Variants in CCDC83 observed in about 807,000 individuals in gnomAD.
CCDC83 encodes coiled-coil domain containing 83.
CCDC83 carries 54 observed loss-of-function variants against 50.1 expected under a neutral mutation model. The observed-to-expected ratio is 1.08, with a 90% confidence interval of 0.87 to 1.35. The LOEUF is 1.35. Among genes scored for constraint, CCDC83 ranks in the 40% most tolerant of loss-of-function variants. The pLI, the probability that CCDC83 is intolerant of heterozygous loss-of-function variation, is 0.00. For synonymous variants in CCDC83, 161 were observed against 153.3 expected, an observed-to-expected ratio of 1.05 and a Z score of -0.37; for missense variants, 518 against 473.9, an observed-to-expected ratio of 1.09 and a Z score of -0.86.
At chr11:85,883,853 A>T (rs2093313691) in intron 4 of CCDC83, among the ~76,000 whole-genome samples, 1 of 152,138 alleles carries the variant, frequency 6.6e-6, no homozygotes, top group Non-Finnish European at 1.5e-5. Context: ...CCAAGACCAA[A>T]CATCAATAGG....
chr11:85,874,599 T>C (rs2093258655), intron 3 of CCDC83, among the ~76,000 whole-genome samples: 1 of 152,232 alleles, frequency 6.6e-6, no homozygotes, highest in African/African-American at 2.4e-5. Context: ...TTGTTATTGC[T>C]GTAATTTAAA....
chr11:85,886,107 T>A (rs2093325434), intron 4 of CCDC83, 93 bp from the exon 5 acceptor site: 1 of 940,706 alleles, frequency 1.1e-6, no homozygotes, highest in Non-Finnish European at 1.5e-6. Context: ...TTAACAGTAT[T>A]TTAATATCAG....
Position 85,916,058 on chromosome 11 carries a change from T to G in CCDC83, c.905T>G (p.Val302Gly). 2 of 1,612,106 alleles carry G rather than the reference T, an allele frequency of 1.2e-6. No individual in the cohort carries two copies. The highest frequency in any genetic ancestry group is 1.7e-6 in the Non-Finnish European group (2 of 1,179,054). ...EEKSELQPTEVESRDLMSSSD... is the reference protein window; with the variant it reads ...EEKSELQPTEGESRDLMSSSD... ...AAGTCAGAATTGCAACCCACAGAAGTAGAAAGTAGAGACTTGATGTCCTCA... is the reference window on the plus strand; with the variant it reads ...AAGTCAGAATTGCAACCCACAGAAGGAGAAAGTAGAGACTTGATGTCCTCA... The change falls in exon 10 of 11, where the codon GTA becomes GGA. Residue 302 changes from valine (V) to glycine (G), a missense_variant. Physicochemically the swap from Val to Gly is moderately radical, Grantham distance 109 (BLOSUM62 -3). Coordinates refer to ENST00000342404, the MANE Select transcript of CCDC83 (RefSeq NM_001286159.2).
At position 85,899,053 on chromosome 11, in the gene CCDC83, C is replaced by T. The variant is rs762589628; in HGVS notation, c.672+38C>T. On this transcript the variant is annotated intron_variant, in intron 7 of 10. Coordinates refer to ENST00000342404, the MANE Select transcript of CCDC83 (RefSeq NM_001286159.2). Reference sequence around the variant, plus strand: ...TATCAAAACAAACAATTTCTTCGTTCTCATTTTTTTAAGTGGAAATGACTT... The same window carrying T: ...TATCAAAACAAACAATTTCTTCGTTTTCATTTTTTTAAGTGGAAATGACTT... 36 of 1,480,602 alleles carry T rather than the reference C, an allele frequency of 2.4e-5. No homozygotes were observed. The Admixed American group carries it at 6.2e-4, about 26-fold the overall frequency. The allele number at this position is 1,480,602 out of a possible 1,614,324, so 91.7% of individuals were successfully genotyped here. A position where few individuals can be genotyped will look rare whatever the true frequency, so the allele number is the denominator to read the frequency against.
At chr11:85,873,054 A>C (rs1203528030) in intron 2 of CCDC83, among the ~76,000 whole-genome samples, 157 bp from the exon 3 acceptor site, 1 of 152,090 alleles carries the variant, frequency 6.6e-6, no homozygotes, top group Admixed American at 6.5e-5. Context: ...TTTAGTGAGT[A>C]AAATAGATTC....
At chr11:85,886,109 TA>T in intron 4 of CCDC83, 90 bp from the exon 5 acceptor site, 1 of 949,972 alleles carries the variant, frequency 1.1e-6, no homozygotes. Flanking sequence ...AACAGTATTT[TA>T]ATATCAGATC....
intron 3 of CCDC83, among the ~76,000 whole-genome samples, chr11:85,880,599 C>A (rs2093294497): frequency 6.6e-6 from 1 of 151,286 alleles, no homozygotes; most frequent in African/African-American, 2.4e-5. Flanking sequence ...TTTTTTTAAT[C>A]AGCGTTTTCT....
At chr11:85,887,102 A>T (rs1187797798) in intron 5 of CCDC83, among the ~76,000 whole-genome samples, 1 of 152,192 alleles carries the variant, frequency 6.6e-6, no homozygotes, top group African/African-American at 2.4e-5. Flanking sequence ...GTCAAAGTCA[A>T]TTAAGTTGTA....
At chr11:85,899,124 A>C (rs2093388870) in intron 7 of CCDC83, 109 bp downstream of exon 7, 1 of 732,792 alleles carries the variant, frequency 1.4e-6, no homozygotes, top group Non-Finnish European at 2.3e-6. Context: ...ACCATGACTG[A>C]CTGAGACAAA....
chr11:85,895,377 C>A lies in CCDC83; in HGVS notation c.596C>A (p.Ala199Asp). The A allele has an allele frequency of 1.3e-6, 2 of 1,542,356 alleles. No homozygotes were observed. Among genetic ancestry groups the A allele is most frequent in the Non-Finnish European group, 1.8e-6 (2 of 1,132,766 alleles). Reference protein sequence around the residue: ...LLQLDQKKEWATQNAVKLIDK... With the variant: ...LLQLDQKKEWDTQNAVKLIDK... ...CAACTGGACCAAAAGAAGGAATGGGCCACACAGGTATAATTCAATTTTCTT... is the reference window on the plus strand; with the variant it reads ...CAACTGGACCAAAAGAAGGAATGGGACACACAGGTATAATTCAATTTTCTT... The change falls in exon 6 of 11, where the codon GCC becomes GAC. Residue 199 changes from alanine (A) to aspartate (D), a missense_variant. By Grantham distance (126) the Ala-to-Asp change is moderately radical. Transcript: ENST00000342404.
chr11:85,873,351 TA>T (rs2093250881), intron 3 of CCDC83, 56 bp downstream of exon 3: 1 of 655,626 alleles, frequency 1.5e-6, no homozygotes, highest in Non-Finnish European at 2.5e-6. Context: ...ACTCATGCTT[TA>T]AAAAATTGTG....
chr11:85,864,949 C>T (rs961805337), intron 1 of CCDC83, 147 bp from the exon 2 acceptor site: 1 of 563,270 alleles, frequency 1.8e-6, no homozygotes, highest in African/African-American at 1.9e-5. Flanking sequence ...GATGTTCCAC[C>T]ATTGTGGTGA....
intron 8 of CCDC83, among the ~76,000 whole-genome samples, chr11:85,912,430 TAGAG>T (rs2093458806): frequency 6.6e-6 from 1 of 152,166 alleles, no homozygotes; most frequent in South Asian, 2.1e-4. Context: ...TGGGGCAGGA[TAGAG>T]AAAGAGGCCA....
Position 85,855,557 on chromosome 11 carries a change from C to G in CCDC83, c.-56C>G, listed in dbSNP as rs1592125136. ...CCCCTGGATACATTATTTGCCCTCT[C>G]GAAAGGCAGGCTCTGAATTTGATTC... is the stretch of plus-strand genomic sequence containing the variant. On this transcript the variant is annotated 5_prime_UTR_variant, in exon 1 of 11. Coordinates refer to ENST00000342404, the MANE Select transcript of CCDC83 (RefSeq NM_001286159.2). The G allele has an allele frequency of 2.6e-5, 4 of 152,384 alleles. No individual in the cohort carries two copies. Among genetic ancestry groups the G allele is most frequent in the Admixed American group, 2.6e-4 (4 of 15,288 alleles). 9.4% of individuals were successfully genotyped at this position (152,384 alleles called of 1,614,324 possible).
chr11:85,917,662 A>T (rs2093488682), intron 10 of CCDC83, among the ~76,000 whole-genome samples: 1 of 152,222 alleles, frequency 6.6e-6, no homozygotes, highest in African/African-American at 2.4e-5. Context: ...GGTAGTGGAA[A>T]AAATGATGTA....
intron 7 of CCDC83, among the ~76,000 whole-genome samples, chr11:85,900,578 G>A (rs59104711): frequency 0.01 from 1,525 of 152,258 alleles, 19 homozygotes; most frequent in African/African-American, 0.029. Flanking sequence ...GAAAATCCAT[G>A]CCACTCCCCA....
chr11:85,857,527 G>A (rs2093148917), intron 1 of CCDC83, among the ~76,000 whole-genome samples: 1 of 152,182 alleles, frequency 6.6e-6, no homozygotes, highest in South Asian at 2.1e-4. Context: ...GCTCTTGTCG[G>A]GGATGTGAGG....
intron 10 of CCDC83, among the ~76,000 whole-genome samples, chr11:85,917,162 GA>G (rs2093482535): frequency 3.0e-5 from 2 of 65,818 alleles, no homozygotes; most frequent in African/African-American, 1.1e-4. Context: ...GAGAGAGAGA[GA>G]GAGAGAAAGA....
intron 8 of CCDC83, among the ~76,000 whole-genome samples, chr11:85,913,817 CCAA>C (rs1400337339): frequency 1.3e-5 from 2 of 152,122 alleles, no homozygotes; most frequent in Non-Finnish European, 2.9e-5. Flanking sequence ...GCTAAGTGGG[CCAA>C]CACCTACAAA....
Sources: allele counts gnomAD v4.1 joint callset (sites outside exome capture counted in the v4.1 genomes callset), GRCh38; gene constraint gnomAD v4.1.1; transcripts MANE v1.5; gene names NCBI Gene and HGNC (gene_info 2026-07-23, HGNC 2026-07-21).